The following SLC44A2 variants were observed in gnomAD, a reference collection of about 807,000 sequenced individuals.
The protein encoded by SLC44A2 is solute carrier family 44 member 2 (CTL2 blood group).
Under a neutral mutation model 90.8 loss-of-function variants are expected in SLC44A2, and 57 were observed. The ratio of observed to expected loss-of-function variants is 0.63; its 90% CI spans 0.51 to 0.78. The LOEUF is 0.78. Among genes scored for constraint, SLC44A2 ranks in the 30% least tolerant of loss-of-function variants. The pLI is 0.00. For synonymous variants in SLC44A2, 355 were observed against 360.7 expected (o/e 0.98, Z 0.18); for missense variants, 794 against 919.7 (o/e 0.86, Z 1.77).
chr19:10,642,088 C>T (rs2067121909), intron 20 of SLC44A2, among the ~76,000 whole-genome samples: 1 of 149,770 alleles, frequency 6.7e-6, no homozygotes. Flanking sequence ...ACCTGGAAGG[C>T]AGAGGTTGTA....
chr19:10,634,650 G>C, intron 10 of SLC44A2, 106 bp from the exon 11 acceptor site: 1 of 1,544,568 alleles, frequency 6.5e-7, no homozygotes, highest in Non-Finnish European at 8.9e-7. Context: ...TAAAGTCCCT[G>C]AGGCAGAAGC....
At chr19:10,632,677 CT>C (rs35340369) in intron 10 of SLC44A2, among the ~76,000 whole-genome samples, 121,314 of 146,472 alleles carry the variant, frequency 0.83, 50,386 homozygotes, top group African/African-American at 0.93. Context: ...CAATTTCTTT[CT>C]TTTTTTTTTT....
rs6146468 is a variant in SLC44A2 at position 10,629,261 on chromosome 19, C to CTATTATTATTATTATTATTATTAT, written c.245+1277_245+1278insTTATTATTATTATTATTATTATTA. On this transcript the variant is annotated intron_variant, in intron 4 of 21. Transcript: ENST00000335757. Reference sequence around the variant, plus strand: ...AGTTGCTGATGCTGCAGTTTTTAAACTATTATTATTATTATTATTACTATT... The same window carrying CTATTATTATTATTATTATTATTAT: ...AGTTGCTGATGCTGCAGTTTTTAAACTATTATTATTATTATTATTATTATTATTATTATTATTATTATTACTATT... 1.9e-3 allele frequency among the ~76,000 whole-genome samples: 279 copies of CTATTATTATTATTATTATTATTAT among 144,372 alleles called. 1 individual carries two copies. The highest frequency in any genetic ancestry group is 4.5e-3 in the African/African-American group (175 of 39,310). The allele number at this position is 144,372 out of a possible 152,430, so 94.7% of individuals were successfully genotyped here. A position where few individuals can be genotyped will look rare whatever the true frequency, so the allele number is the denominator to read the frequency against.
intron 10 of SLC44A2, 140 bp downstream of exon 10, chr19:10,632,296 G>T (rs1280301121): frequency 3.0e-6 from 2 of 664,428 alleles, no homozygotes; most frequent in Non-Finnish European, 5.1e-6. Context: ...CAGCACTTTG[G>T]GAGGCCGAGG....
chr19:10,615,935 C>T (rs894465790), intron 1 of SLC44A2, among the ~76,000 whole-genome samples: 10 of 151,792 alleles, frequency 6.6e-5, no homozygotes, highest in Admixed American at 3.3e-4. Context: ...GCGGCCAAAG[C>T]GGGATTGCCT....
At chr19:10,606,421 A>T (rs1918105110) in intron 1 of SLC44A2, among the ~76,000 whole-genome samples, 1 of 152,154 alleles carries the variant, frequency 6.6e-6, no homozygotes, top group African/African-American at 2.4e-5. Context: ...CACGCCTGTA[A>T]TCCCAGCACT....
chr19:10,631,814 G>A, intron 8 of SLC44A2, 54 bp from the exon 9 acceptor site: 2 of 1,614,164 alleles, frequency 1.2e-6, no homozygotes, highest in Non-Finnish European at 8.5e-7. Flanking sequence ...ATCCCCTGTG[G>A]TTGGCCTGAT....
In SLC44A2 at chr19:10,635,006, A is replaced by G. The variant is rs1376282972; in HGVS notation, c.988A>G (p.Ile330Val). The G allele has an allele frequency of 6.2e-7, 1 of 1,614,112 alleles. No homozygotes were observed. Among genetic ancestry groups the G allele is most frequent in the East Asian group, 2.2e-5 (1 of 44,870 alleles). The part of the protein sequence containing the change: ...IILSILEVII[I>V]LLLIFLRKRI... ...TCTGAGTATCCTTGAAGTCATTATC[A>G]TCTTGCTGCTCATCTTTCTCCGGAA... The change falls in exon 12 of 22, where the codon ATC becomes GTC. Residue 330 changes from isoleucine (I) to valine (V), a missense_variant. Coordinates refer to ENST00000335757, the MANE Select transcript of SLC44A2 (RefSeq NM_020428.4).
chr19:10,602,462 G>C, upstream of SLC44A2: 1 of 1,101,996 alleles, frequency 9.1e-7, no homozygotes, highest in Non-Finnish European at 1.1e-6. Flanking sequence ...GCTGCAGCCC[G>C]CGGAGCCTCC....
intron 1 of SLC44A2, among the ~76,000 whole-genome samples, chr19:10,610,929 C>T (rs749428869): frequency 7.6e-4 from 116 of 151,648 alleles, no homozygotes; most frequent in Non-Finnish European, 1.5e-3. Flanking sequence ...TGTGAGCCAC[C>T]GCGCCCCGCC....
chr19:10,637,715 A>T lies in SLC44A2; in HGVS notation c.1663A>T (p.Ile555Phe). 2 of 1,614,128 alleles carry T rather than the reference A, an allele frequency of 1.2e-6. No homozygotes were observed. Among genetic ancestry groups the T allele is most frequent in the Admixed American group, 3.3e-5 (2 of 60,012 alleles). ...CTGCTTCTGGTGCCTGGAGAAGTTC[A>T]TCAAATTCCTTAATAGGAATGCCTA... The part of the protein sequence containing the change: ...KCCFWCLEKF[I>F]KFLNRNAYIM... Residue 555 changes from isoleucine (I) to phenylalanine (F), a missense_variant, in exon 17 of 22, where the codon ATC (isoleucine) becomes TTC (phenylalanine). Physicochemically the swap from Ile to Phe is conservative, Grantham distance 21. This residue lies in a region of SLC44A2 where 738 missense variants were observed against 841.1 expected (regional missense o/e 0.88). Transcript: ENST00000335757.
intron 1 of SLC44A2, among the ~76,000 whole-genome samples, chr19:10,605,702 C>T (rs536650764): frequency 1.3e-5 from 2 of 150,368 alleles, no homozygotes; most frequent in East Asian, 3.9e-4. Context: ...AAAAAAAGGA[C>T]TCTTGGCCAG....
intron 1 of SLC44A2, among the ~76,000 whole-genome samples, chr19:10,610,998 T>C (rs774488911): frequency 6.6e-6 from 1 of 151,920 alleles, no homozygotes; most frequent in Non-Finnish European, 1.5e-5. Context: ...TATTTATTTA[T>C]TTATTTTTAA....
intron 1 of SLC44A2, among the ~76,000 whole-genome samples, chr19:10,608,681 ACT>A (rs1224422165): frequency 6.6e-6 from 1 of 151,340 alleles, no homozygotes; most frequent in East Asian, 1.9e-4. Context: ...ACAGGGTCTC[ACT>A]CTGTCACCCA....
chr19:10,631,304 C>A lies in SLC44A2; in HGVS notation c.360C>A (p.Tyr120Ter). 1 of 1,614,166 alleles carries A rather than the reference C, an allele frequency of 6.2e-7. No homozygotes were observed. The highest frequency in any genetic ancestry group is 1.6e-4 in the Middle Eastern group (1 of 6,062). Residue 120 changes from tyrosine (Y) to a stop codon, truncating the protein, a stop_gained, in exon 6 of 22, where the codon TAC becomes TAA. Coordinates refer to ENST00000335757, the MANE Select transcript of SLC44A2 (RefSeq NM_020428.4). LOFTEE classifies it high-confidence loss of function. Reference sequence around the variant, plus strand: ...GCGTGGAAAAATGCCCCGACCGCTACCTCACGTACCTGAATGCTCGCAGCT... The same window carrying A: ...GCGTGGAAAAATGCCCCGACCGCTAACTCACGTACCTGAATGCTCGCAGCT... ...QICVEKCPDRYLTYLNARSSR... is the reference protein window; with the variant it reads ...QICVEKCPDR
At chr19:10,628,153 G>A (rs2066954690) in intron 4 of SLC44A2, 149 bp downstream of exon 4, 1 of 714,038 alleles carries the variant, frequency 1.4e-6, no homozygotes, top group African/African-American at 1.8e-5. Context: ...GGGAGGCCGA[G>A]GCAGGAATAT....
chr19:10,637,360 G>GA (rs1044444877), intron 16 of SLC44A2, among the ~76,000 whole-genome samples: 81 of 151,744 alleles, frequency 5.3e-4, no homozygotes, highest in African/African-American at 1.7e-3. Context: ...TCAAAAAAAG[G>GA]AAAAAAAACT....
chr19:10,637,479 A>G, intron 16 of SLC44A2, 165 bp from the exon 17 acceptor site: 1 of 633,546 alleles, frequency 1.6e-6, no homozygotes, highest in South Asian at 1.8e-5. Context: ...TGGCACCATC[A>G]TAGCTCACTG....
chr19:10,613,671 A>AC (rs968505353), intron 1 of SLC44A2, among the ~76,000 whole-genome samples: 23 of 152,030 alleles, frequency 1.5e-4, no homozygotes, highest in African/African-American at 5.3e-4. Flanking sequence ...ACATAGTGAG[A>AC]CCCCGTCTCT....
Sources: gnomAD v4.1 joint callset for allele counts (sites outside exome capture counted in the v4.1 genomes callset) on GRCh38, gnomAD v4.1.1 for gene constraint, gnomAD v4.1.1 regional missense constraint, MANE v1.5 for transcripts, NCBI Gene and HGNC (gene_info 2026-07-23, HGNC 2026-07-21) for gene names.